Variants in KCNQ1 observed in about 807,000 individuals in gnomAD.
KCNQ1 encodes the protein potassium voltage-gated channel subfamily Q member 1.
KCNQ1 carries 49 observed loss-of-function variants against 72.4 expected under a neutral mutation model. That is an observed-to-expected ratio of 0.68 (90% confidence interval 0.54 to 0.86). The LOEUF (loss-of-function observed/expected upper bound fraction) is 0.86. Among genes scored for constraint, KCNQ1 ranks in the 40% least tolerant of loss-of-function variants. The probability of loss-of-function intolerance (pLI) is 0.00; values close to 1 mark genes in which losing one functional copy is unlikely to be tolerated. For synonymous variants in KCNQ1, 450 were observed against 412.6 expected (o/e 1.09, Z -1.10); for missense variants, 790 against 945.1 (o/e 0.84, Z 2.15).
intron 11 of KCNQ1, among the ~76,000 whole-genome samples, chr11:2,731,987 T>A (rs1452432188): frequency 6.6e-6 from 1 of 152,154 alleles, no homozygotes; most frequent in Non-Finnish European, 1.5e-5. Flanking sequence ...ACCAGCGAGG[T>A]GTGGCCTGCA....
At position 2,664,654 on chromosome 11, in the gene KCNQ1, G is replaced by A. The variant is rs904357785; in HGVS notation, c.1514+2573G>A. The A allele has an allele frequency of 2.5e-6, 1 of 398,728 alleles. No individual in the cohort carries two copies. Among genetic ancestry groups the A allele is most frequent in the African/African-American group, 2.1e-5 (1 of 48,640 alleles). 24.7% of individuals were successfully genotyped at this position (398,728 alleles called of 1,614,324 possible). On this transcript the variant is annotated intron_variant, in intron 11 of 15. Coordinates refer to ENST00000155840, the MANE Select transcript of KCNQ1 (RefSeq NM_000218.3). The surrounding 1 kb of genome is among the most constrained non-coding windows in gnomAD (Gnocchi z 5.1). ...TTAAATTCGGCTCCAGCTGCTCAGG[G>A]ATGCAGCGAAGCTCCTGTGGGCAGC...
At chr11:2,625,361 T>G (rs7943674) in intron 10 of KCNQ1, 8,978 of 398,518 alleles carry the variant, frequency 0.023, 586 homozygotes, top group African/African-American at 0.16. Flanking sequence ...GCTTAGGCTA[T>G]CCTCCCACCT....
At position 2,450,614 on chromosome 11, in the gene KCNQ1, G is replaced by A. The variant is rs1413644905; in HGVS notation, c.386+5130G>A. Among the ~76,000 whole-genome samples the A allele has an allele frequency of 1.3e-5, 2 of 152,002 alleles. No individual in the cohort carries two copies. The highest frequency in any genetic ancestry group is 2.9e-5 in the Non-Finnish European group (2 of 67,974). On this transcript the variant is annotated intron_variant, in intron 1 of 15. Coordinates refer to ENST00000155840, the MANE Select transcript of KCNQ1 (RefSeq NM_000218.3). This position sits in a 1 kb window ranked among gnomAD's most constrained non-coding sequence, Gnocchi z 7.9. The stretch of plus-strand genomic sequence containing the variant: ...CTCTGCTTGCATCTGGGGTCCCTGC[G>A]GGCACGTCGGTGAGACCGTCCTGGC...
rs1203799919 is a variant in KCNQ1, at chr11:2,673,269, C to T, written c.1514+11188C>T. ...GGTGATGCAGACTGCAAAGCCTCAG[C>T]CACCTTCTCCCCTAGAAGAAATCTT... On this transcript the variant is annotated intron_variant, in intron 11 of 15. Coordinates refer to ENST00000155840, the MANE Select transcript of KCNQ1 (RefSeq NM_000218.3). The surrounding 1 kb of genome is among the most constrained non-coding windows in gnomAD (Gnocchi z 4.5). The T allele has an allele frequency of 2.5e-6, 1 of 398,720 alleles. No homozygotes were observed. The highest frequency in any genetic ancestry group is 4.4e-6 in the Non-Finnish European group (1 of 226,096). The allele number at this position is 398,720 out of a possible 1,614,324, so 24.7% of individuals were successfully genotyped here.
At position 2,477,001 on chromosome 11, in the gene KCNQ1, T is replaced by C. The variant is rs1463068468; in HGVS notation, c.386+31517T>C. Among the ~76,000 whole-genome samples the C allele has an allele frequency of 1.3e-5, 2 of 152,254 alleles. No individual in the cohort carries two copies. Among genetic ancestry groups the C allele is most frequent in the African/African-American group, 4.8e-5 (2 of 41,470 alleles). ...ACTGCACCCAGCCCAGTTTTTAATG[T>C]GACAGTACTTTGTAAAATTGTACTC... On this transcript the variant is annotated intron_variant, in intron 1 of 15. Coordinates refer to ENST00000155840, the MANE Select transcript of KCNQ1 (RefSeq NM_000218.3). This position sits in a 1 kb window ranked among gnomAD's most constrained non-coding sequence, Gnocchi z 5.0.
intron 15 of KCNQ1, among the ~76,000 whole-genome samples, chr11:2,789,838 T>C (rs1846983636): frequency 6.6e-6 from 1 of 152,290 alleles, no homozygotes; most frequent in Admixed American, 6.5e-5. Flanking sequence ...GTGAGTGTGA[T>C]GGGAAAGGGA....
intron 10 of KCNQ1, chr11:2,633,994 C>G: frequency 2.5e-6 from 1 of 398,588 alleles, no homozygotes; most frequent in Non-Finnish European, 4.4e-6. Flanking sequence ...GAAGAGTCGA[C>G]TGTATTTTGA....
chr11:2,632,770 T>C, intron 10 of KCNQ1: 1 of 398,480 alleles, frequency 2.5e-6, no homozygotes, highest in Non-Finnish European at 4.4e-6. Context: ...TTATTATGAC[T>C]GAATAATATT....
At chr11:2,791,359 C>A (rs1847018351) in intron 15 of KCNQ1, among the ~76,000 whole-genome samples, 1 of 152,156 alleles carries the variant, frequency 6.6e-6, no homozygotes, top group Non-Finnish European at 1.5e-5. Context: ...CTTGTCTGTG[C>A]GGCAAACCCT....
rs1186322075 is a variant in KCNQ1 at position 2,544,250 on chromosome 11, A to G, written c.477+16232A>G. Among the ~76,000 whole-genome samples, 343 of 49,300 alleles carry G rather than the reference A, an allele frequency of 7.0e-3. 2 individuals carry two copies. The highest frequency in any genetic ancestry group is 0.03 in the African/African-American group (320 of 10,606). 32.3% of individuals were successfully genotyped at this position (49,300 alleles called of 152,430 possible). A position where few individuals can be genotyped will look rare whatever the true frequency, so the allele number is the denominator to read the frequency against. ...CATATATATATATGTGTGTGTGTGTATATATATATGTGTGTGTGTGTATAT... is the reference window on the plus strand; with the variant it reads ...CATATATATATATGTGTGTGTGTGTGTATATATATGTGTGTGTGTGTATAT... On this transcript the variant is annotated intron_variant, in intron 2 of 15. Coordinates refer to ENST00000155840, the MANE Select transcript of KCNQ1 (RefSeq NM_000218.3). This position sits in a 1 kb window ranked among gnomAD's most constrained non-coding sequence, Gnocchi z 4.4.
intron 11 of KCNQ1, among the ~76,000 whole-genome samples, chr11:2,727,118 C>G (rs992731807): frequency 2.0e-5 from 3 of 152,280 alleles, no homozygotes; most frequent in East Asian, 3.9e-4. Context: ...CCTGTAGGAG[C>G]GAGACAGACA....
rs193169727 is a variant in KCNQ1, at chr11:2,580,454, C to T, written c.922-2981C>T. Among the ~76,000 whole-genome samples, 537 of 152,290 alleles carry T rather than the reference C, an allele frequency of 3.5e-3. 5 individuals are homozygous for T. The highest frequency in any genetic ancestry group is 0.02 in the Middle Eastern group (6 of 294). Reference sequence around the variant, plus strand: ...TGAAAAATTTCTATATTTTCCAAAACAAATATTATCGAAAGAAAAATATGC... The same window carrying T: ...TGAAAAATTTCTATATTTTCCAAAATAAATATTATCGAAAGAAAAATATGC... On this transcript the variant is annotated intron_variant, in intron 6 of 15. Coordinates refer to ENST00000155840, the MANE Select transcript of KCNQ1 (RefSeq NM_000218.3).
intron 10 of KCNQ1, chr11:2,609,718 T>C (rs1255115392): frequency 2.5e-6 from 1 of 398,276 alleles, no homozygotes; most frequent in Non-Finnish European, 4.4e-6. Flanking sequence ...TAGGTGAATA[T>C]ATGTTTATAA....
At chr11:2,681,039 T>C (rs1850388414) in intron 11 of KCNQ1, 1 of 398,584 alleles carries the variant, frequency 2.5e-6, no homozygotes, top group East Asian at 3.6e-5. Context: ...ATGTGGACAT[T>C]AGTGAAATGT....
chr11:2,611,446 G>C lies in KCNQ1; in HGVS notation c.1393+22592G>C, dbSNP rs1014074080. 2 of 397,566 alleles carry C rather than the reference G, an allele frequency of 5.0e-6. No homozygotes were observed. The highest frequency in any genetic ancestry group is 8.9e-6 in the Non-Finnish European group (2 of 225,982). 24.6% of individuals were successfully genotyped at this position (397,566 alleles called of 1,614,324 possible). On this transcript the variant is annotated intron_variant, in intron 10 of 15. Coordinates refer to ENST00000155840, the MANE Select transcript of KCNQ1 (RefSeq NM_000218.3). This position sits in a 1 kb window ranked among gnomAD's most constrained non-coding sequence, Gnocchi z 5.3. Reference sequence around the variant, plus strand: ...AGGCTGGTCTTGAACTCCTGACCTCGAGTGATCTGTCTGCCTCAGCCTCCC... The same window carrying C: ...AGGCTGGTCTTGAACTCCTGACCTCCAGTGATCTGTCTGCCTCAGCCTCCC...
At chr11:2,540,316 G>A (rs563377834) in intron 2 of KCNQ1, among the ~76,000 whole-genome samples, 7 of 152,346 alleles carry the variant, frequency 4.6e-5, no homozygotes, top group African/African-American at 7.2e-5. Context: ...GGCCCTGGCC[G>A]TGCACCATTG....
Position 2,562,865 on chromosome 11 carries a change from C to T in KCNQ1, c.478-7763C>T, listed in dbSNP as rs781350471. 2.2e-4 allele frequency among the ~76,000 whole-genome samples: 34 copies of T among 152,114 alleles called. No homozygotes were observed. Among genetic ancestry groups the T allele is most frequent in the Non-Finnish European group, 2.9e-4 (20 of 68,026 alleles). On this transcript the variant is annotated intron_variant, in intron 2 of 15. Coordinates refer to ENST00000155840, the MANE Select transcript of KCNQ1 (RefSeq NM_000218.3). This position sits in a 1 kb window ranked among gnomAD's most constrained non-coding sequence, Gnocchi z 7.5. ...TTCGTATTTAATCTTCATCTTCCGC[C>T]GTCTTTAAAATTAATTTTCCTTTAA...
rs939323026 is a variant in KCNQ1 at position 2,549,932 on chromosome 11, C to T, written c.478-20696C>T. On this transcript the variant is annotated intron_variant, in intron 2 of 15. Transcript: ENST00000155840. The surrounding 1 kb of genome is among the most constrained non-coding windows in gnomAD (Gnocchi z 6.2). Reference sequence around the variant, plus strand: ...TGCCCACCGCCCCCGCCACCCAGCGCGAGCCGCGTAGAGGAGCAGGAAGGG... The same window carrying T: ...TGCCCACCGCCCCCGCCACCCAGCGTGAGCCGCGTAGAGGAGCAGGAAGGG... Among the ~76,000 whole-genome samples the T allele has an allele frequency of 1.3e-5, 2 of 152,270 alleles. No homozygotes were observed. The highest frequency in any genetic ancestry group is 1.5e-5 in the Non-Finnish European group (1 of 67,996).
rs997115625 is a variant in KCNQ1, at chr11:2,657,324, A to G, written c.1394-4637A>G. The G allele has an allele frequency of 1.0e-5, 4 of 398,490 alleles. No homozygotes were observed. Among genetic ancestry groups the G allele is most frequent in the African/African-American group, 8.2e-5 (4 of 48,622 alleles). The allele number at this position is 398,490 out of a possible 1,614,324, so 24.7% of individuals were successfully genotyped here. On this transcript the variant is annotated intron_variant, in intron 10 of 15. Coordinates refer to ENST00000155840, the MANE Select transcript of KCNQ1 (RefSeq NM_000218.3). The surrounding 1 kb of genome is among the most constrained non-coding windows in gnomAD (Gnocchi z 4.8). ...TTTTGAGATAATCTTTTCAGTATTG[A>G]GTCTTCTAGTCATTGGAATGAAGGC...
Sources: gnomAD v4.1 joint callset for allele counts (sites outside exome capture counted in the v4.1 genomes callset) on GRCh38, gnomAD v4.1.1 for gene constraint, Gnocchi (gnomAD v3.1) non-coding constraint, MANE v1.5 for transcripts, NCBI Gene and HGNC (gene_info 2026-07-23, HGNC 2026-07-21) for gene names.